Variants in DLEC1 observed in about 807,000 individuals in gnomAD.
DLEC1 encodes DLEC1 cilia and flagella associated protein.
Under a neutral mutation model 198.1 loss-of-function variants are expected in DLEC1, and 146 were observed. The observed-to-expected ratio is 0.74, with a 90% confidence interval of 0.64 to 0.85. The LOEUF (loss-of-function observed/expected upper bound fraction) is 0.85. Among genes scored for constraint, DLEC1 ranks in the 40% least tolerant of loss-of-function variants. The pLI is 0.00. For synonymous variants in DLEC1, 897 were observed against 866.8 expected, an observed-to-expected ratio of 1.03 and a Z score of -0.61; for missense variants, 2,233 against 2,220.0, an observed-to-expected ratio of 1.01 and a Z score of -0.12.
chr3:38,098,800 C>T (rs1559446229), intron 18 of DLEC1, among the ~76,000 whole-genome samples: 1 of 152,200 alleles, frequency 6.6e-6, no homozygotes, highest in South Asian at 2.1e-4. Context: ...AGGGAGGCCT[C>T]GCTCCTTTAC....
At chr3:38,045,241 A>G (rs1575377996) in intron 1 of DLEC1, among the ~76,000 whole-genome samples, 1 of 152,284 alleles carries the variant, frequency 6.6e-6, no homozygotes, top group South Asian at 2.1e-4. Flanking sequence ...GTGGCACCAC[A>G]GGAAGTGTGC....
chr3:38,112,220 G>C lies in DLEC1; in HGVS notation c.3525G>C (p.Glu1175Asp). The change falls in exon 25 of 37, where the codon GAG (glutamate) becomes GAC (aspartate). Residue 1175 changes from glutamate to aspartate, a missense_variant. Physicochemically the swap from Glu to Asp is conservative, Grantham distance 45 (BLOSUM62 2). Transcript: ENST00000308059. This position sits in a 1 kb window ranked among gnomAD's most constrained non-coding sequence, Gnocchi z 4.8. ...GCGGTTCTTTCCCAGATTTTATGGA[G>C]AGCATGCTATCCCACGGGAAAGGAG... ...LAKREQLDFMESMLSHGKGAA... is the reference protein window; with the variant it reads ...LAKREQLDFMDSMLSHGKGAA... 6.2e-7 allele frequency: 1 copy of C among 1,614,186 alleles called. No homozygotes were observed. The highest frequency in any genetic ancestry group is 8.5e-7 in the Non-Finnish European group (1 of 1,180,024).
At chr3:38,098,750 A>G (rs1363486427) in intron 18 of DLEC1, among the ~76,000 whole-genome samples, 4 of 152,232 alleles carry the variant, frequency 2.6e-5, no homozygotes, top group Non-Finnish European at 4.4e-5. Context: ...GCTAGTGTGC[A>G]TTCCCTTTCT....
In DLEC1 at chr3:38,082,906, C is replaced by A. The variant is rs183614676; in HGVS notation, c.1174-1252C>A. Among the ~76,000 whole-genome samples the A allele has an allele frequency of 2.6e-5, 4 of 152,306 alleles. 1 individual carries two copies. The South Asian group carries it at 6.2e-4, about 24-fold the overall frequency. On this transcript the variant is annotated intron_variant, in intron 6 of 36. Transcript: ENST00000308059. ...GTGTCCCTGCAATGATTAAACACTACGGGAAGGCTGCCTTCCCAGTCCGTG... is the reference window on the plus strand; with the variant it reads ...GTGTCCCTGCAATGATTAAACACTAAGGGAAGGCTGCCTTCCCAGTCCGTG...
chr3:38,087,140 G>T (rs946303464), intron 9 of DLEC1, among the ~76,000 whole-genome samples: 13 of 152,056 alleles, frequency 8.5e-5, no homozygotes, highest in Admixed American at 4.6e-4. Context: ...AAAACTGGAA[G>T]ATATGAAGGC....
intron 6 of DLEC1, among the ~76,000 whole-genome samples, chr3:38,081,895 A>AC (rs1231981892): frequency 0.015 from 944 of 63,504 alleles, 3 homozygotes; most frequent in African/African-American, 0.03. Context: ...CGGGGGGCTG[A>AC]CCCCCCCCCA....
chr3:38,109,998 G>A, intron 22 of DLEC1, 101 bp from the exon 23 acceptor site: 1 of 1,332,970 alleles, frequency 7.5e-7, no homozygotes, highest in Non-Finnish European at 1.0e-6. Flanking sequence ...ATGAAGCCTG[G>A]TGTCTGGGCA....
At chr3:38,040,761 CTG>C (rs2125565296) in intron 1 of DLEC1, among the ~76,000 whole-genome samples, 1 of 152,354 alleles carries the variant, frequency 6.6e-6, no homozygotes, top group African/African-American at 2.4e-5. Context: ...TTCTCAGTAT[CTG>C]TCCCATAAGT....
rs2125707397 is a variant in DLEC1, at chr3:38,102,121, C to G, written c.2864+1696C>G. On this transcript the variant is annotated intron_variant, in intron 19 of 36. Coordinates refer to ENST00000308059, the MANE Select transcript of DLEC1 (RefSeq NM_007335.4). ...TACCCTCTTTCCCCCTTCTCTACCTCCATCCCAGCCCCAACCCATCTACTG... is the reference window on the plus strand; with the variant it reads ...TACCCTCTTTCCCCCTTCTCTACCTGCATCCCAGCCCCAACCCATCTACTG... Among the ~76,000 whole-genome samples the G allele has an allele frequency of 1.3e-5, 2 of 152,266 alleles. 1 individual carries two copies. Among genetic ancestry groups the G allele is most frequent in the South Asian group, 4.2e-4 (2 of 4,818 alleles).
Position 38,040,027 on chromosome 3 carries a change from A to T in DLEC1, c.411+391A>T, listed in dbSNP as rs75798897. Among the ~76,000 whole-genome samples, 23 of 152,298 alleles carry T rather than the reference A, an allele frequency of 1.5e-4. No homozygotes were observed. In the East Asian group the frequency reaches 4.2e-3, roughly 28 times the overall value. ...AACCACAATCTTGACTGGGCCATTC[A>T]TGCGCAGATTTTAGGAAGCGTGTCT... On this transcript the variant is annotated intron_variant, in intron 1 of 36. Transcript: ENST00000308059.
intron 6 of DLEC1, among the ~76,000 whole-genome samples, chr3:38,074,194 A>G (rs1246692962): frequency 6.6e-6 from 1 of 152,222 alleles, no homozygotes; most frequent in Non-Finnish European, 1.5e-5. Context: ...AAGTTCTTGT[A>G]TGCTGGAGGT....
At chr3:38,069,192 G>T (rs1474508743) in intron 6 of DLEC1, among the ~76,000 whole-genome samples, 1 of 152,052 alleles carries the variant, frequency 6.6e-6, no homozygotes, top group Non-Finnish European at 1.5e-5. Flanking sequence ...GTCGAACTCT[G>T]ACTCTTTAAA....
Position 38,097,211 on chromosome 3 carries a change from A to C in DLEC1, c.2370A>C (p.Arg790Ser), listed in dbSNP as rs753275680. Residue 790 changes from arginine to serine, a missense_variant, in exon 16 of 37, where the codon AGA (arginine) becomes AGC (serine). By Grantham distance (110) the Arg-to-Ser change is moderately radical. Transcript: ENST00000308059. The part of the protein sequence containing the change: ...KMWNNSKSPI[R>S]YLWGKISDCH... ...GGAACAACAGCAAGTCACCCATCAG[A>C]TACCTGTGGGGGAAGATCAGCGACT... 1.9e-6 allele frequency: 3 copies of C among 1,584,572 alleles called. No homozygotes were observed. The highest frequency in any genetic ancestry group is 2.6e-6 in the Non-Finnish European group (3 of 1,164,068).
At chr3:38,093,566 A>G in intron 11 of DLEC1, 39 bp from the exon 12 acceptor site, 1 of 1,612,810 alleles carries the variant, frequency 6.2e-7, no homozygotes, top group Non-Finnish European at 8.5e-7. Context: ...TTTCAGCCCT[A>G]GTGAGCCTTC....
At chr3:38,055,743 T>C (rs1256104403) in intron 2 of DLEC1, among the ~76,000 whole-genome samples, 3 of 152,090 alleles carry the variant, frequency 2.0e-5, no homozygotes, top group Admixed American at 1.3e-4. Flanking sequence ...AAAGCTCTGT[T>C]AACTGGGTGA....
chr3:38,104,191 T>A (rs1472210526), intron 19 of DLEC1, among the ~76,000 whole-genome samples: 1 of 152,226 alleles, frequency 6.6e-6, no homozygotes, highest in Non-Finnish European at 1.5e-5. Flanking sequence ...GCACAGTGGC[T>A]CATGACTGTA....
At position 38,115,086 on chromosome 3, in the gene DLEC1, G is replaced by C. The variant is rs369415380; in HGVS notation, c.3856+33G>C. 10 of 1,611,968 alleles carry C rather than the reference G, an allele frequency of 6.2e-6. No homozygotes were observed. In the African/African-American group the frequency reaches 1.3e-4, roughly 22 times the overall value. ...ATGCATGAGAGAAGTCAGTGTTCTT[G>C]CCACAGGCTGTGCCTTGTGGTGAGC... On this transcript the variant is annotated intron_variant, in intron 27 of 36. Coordinates refer to ENST00000308059, the MANE Select transcript of DLEC1 (RefSeq NM_007335.4).
intron 10 of DLEC1, among the ~76,000 whole-genome samples, chr3:38,089,149 G>A (rs528730983): frequency 1.3e-5 from 2 of 152,340 alleles, no homozygotes; most frequent in South Asian, 4.1e-4. Flanking sequence ...GCTTCTGGGG[G>A]TGGATTTGGC....
At chr3:38,084,298 T>C in intron 7 of DLEC1, 53 bp downstream of exon 7, 1 of 1,509,006 alleles carries the variant, frequency 6.6e-7, no homozygotes, top group Non-Finnish European at 9.2e-7. Context: ...GTAGTGGTGG[T>C]ATTAGTAGTA....
Sources: allele counts gnomAD v4.1 joint callset (sites outside exome capture counted in the v4.1 genomes callset), GRCh38; gene constraint gnomAD v4.1.1; non-coding constraint Gnocchi (gnomAD v3.1); transcripts MANE v1.5; gene names NCBI Gene and HGNC (gene_info 2026-07-23, HGNC 2026-07-21).